DNAH8: variants seen among roughly 807,000 people sequenced by gnomAD.
DNAH8 encodes dynein axonemal heavy chain 8.
DNAH8 carries 382 observed loss-of-function variants against 562.1 expected under a neutral mutation model. That is an observed-to-expected ratio of 0.68 (90% confidence interval 0.63 to 0.74). The LOEUF is 0.74. Ranked by LOEUF, DNAH8 falls within the 30% of genes least tolerant of loss-of-function variation. The pLI is 0.00. For synonymous variants in DNAH8, 1,881 were observed against 1,919.4 expected (o/e 0.98, Z 0.52); for missense variants, 5,203 against 5,620.4 (o/e 0.93, Z 2.37).
At chr6:38,862,601 C>T (rs1003552930) in intron 44 of DNAH8, 143 bp downstream of exon 44, 12 of 976,652 alleles carry the variant, frequency 1.2e-5, no homozygotes, top group Non-Finnish European at 1.8e-5. Context: ...TGCCATTTTT[C>T]TAGGTCAAAA....
intron 85 of DNAH8, among the ~76,000 whole-genome samples, chr6:38,976,789 A>G (rs1052819352): frequency 2.0e-5 from 3 of 152,026 alleles, no homozygotes; most frequent in African/African-American, 7.3e-5. Flanking sequence ...TGATTAATTG[A>G]GTCCTCCAAA....
chr6:38,919,884 T>C (rs575290655), intron 70 of DNAH8, among the ~76,000 whole-genome samples: 39 of 152,250 alleles, frequency 2.6e-4, no homozygotes, highest in African/African-American at 9.1e-4. Context: ...TACTCACTCA[T>C]AAGCATACAT....
In DNAH8 at chr6:38,778,425, A is replaced by G; in HGVS notation, c.2000A>G (p.Lys667Arg). Residue 667 changes from lysine to arginine, a missense_variant, in exon 14 of 93, where the codon AAA (lysine) becomes AGA (arginine). Transcript: ENST00000327475. ...IQAFMNSSFGKILSSQQALQL... is the reference protein window; with the variant it reads ...IQAFMNSSFGRILSSQQALQL... ...GCATTTATGAACAGTAGTTTTGGGA[A>G]AATCTTATCTTCTCAGCAGGCTCTT... is the stretch of plus-strand genomic sequence containing the variant. 6.3e-7 allele frequency: 1 copy of G among 1,595,966 alleles called. No homozygotes were observed. Among genetic ancestry groups the G allele is most frequent in the Non-Finnish European group, 8.6e-7 (1 of 1,165,158 alleles).
At chr6:38,951,568 GC>G in intron 82 of DNAH8, 48 bp downstream of exon 82, 1 of 1,546,326 alleles carries the variant, frequency 6.5e-7, no homozygotes, top group Non-Finnish European at 8.8e-7. Flanking sequence ...ATATTTTTTT[GC>G]CCCAAATTTT....
intron 45 of DNAH8, among the ~76,000 whole-genome samples, chr6:38,866,011 A>G (rs2150417293): frequency 6.6e-6 from 1 of 152,164 alleles, no homozygotes; most frequent in South Asian, 2.1e-4. Context: ...GGAGGACTTC[A>G]TTTCCTGTCT....
At position 38,866,674 on chromosome 6, in the gene DNAH8, A is replaced by C; in HGVS notation, c.6582A>C (p.Arg2194Ser). The C allele has an allele frequency of 6.2e-7, 1 of 1,610,554 alleles. No individual in the cohort carries two copies. The highest frequency in any genetic ancestry group is 1.1e-5 in the South Asian group (1 of 90,158). The change falls in exon 46 of 93, where the codon AGA becomes AGC. Residue 2194 changes from arginine (R) to serine (S), a missense_variant. Physicochemically the swap from Arg to Ser is moderately radical, Grantham distance 110. This residue lies in a region of DNAH8 where 2,176 missense variants were observed against 2,365.1 expected (regional missense o/e 0.92). Transcript: ENST00000327475. ...FRTVAMMVPD[R>S]QIIMRVKLAS... Reference sequence around the variant, plus strand: ...CTGTTGCTATGATGGTTCCTGATAGACAGGTATGCACTAGGATTTAAAAGC... The same window carrying C: ...CTGTTGCTATGATGGTTCCTGATAGCCAGGTATGCACTAGGATTTAAAAGC...
chr6:39,003,021 C>T (rs2150754452), intron 88 of DNAH8, among the ~76,000 whole-genome samples: 2 of 152,304 alleles, frequency 1.3e-5, no homozygotes, highest in Middle Eastern at 6.8e-3. Flanking sequence ...CAGAGCATCT[C>T]CTCCATTCTT....
intron 28 of DNAH8, 121 bp from the exon 29 acceptor site, chr6:38,826,035 T>C: frequency 1.6e-6 from 1 of 632,320 alleles, no homozygotes. Context: ...TAACCACATT[T>C]CAAGTGTTCA....
intron 13 of DNAH8, 149 bp from the exon 14 acceptor site, chr6:38,778,239 A>C: frequency 2.0e-6 from 1 of 497,522 alleles, no homozygotes; most frequent in Non-Finnish European, 3.6e-6. Context: ...AGTCCATCAT[A>C]CTGGACGATG....
chr6:38,868,199 A>G lies in DNAH8; in HGVS notation c.6828+3A>G, dbSNP rs751751953. ...GAGATATGAACCTTTCCAAACTGGTATCTTCTCTGAATTCTCTTCTTTTCC... is the reference window on the plus strand; with the variant it reads ...GAGATATGAACCTTTCCAAACTGGTGTCTTCTCTGAATTCTCTTCTTTTCC... On this transcript the variant is annotated splice_donor_region_variant and intron_variant, in intron 48 of 92. Transcript: ENST00000327475. 1.2e-6 allele frequency: 2 copies of G among 1,600,328 alleles called. No homozygotes were observed. The highest frequency in any genetic ancestry group is 1.1e-5 in the South Asian group (1 of 87,678).
chr6:38,732,929 C>A (rs180719986), intron 4 of DNAH8, among the ~76,000 whole-genome samples: 73 of 152,096 alleles, frequency 4.8e-4, no homozygotes, highest in African/African-American at 1.6e-3. Flanking sequence ...CACTAGGTTG[C>A]CCAGGCTGGA....
chr6:38,717,491 T>G (rs1762429190), intron 1 of DNAH8, among the ~76,000 whole-genome samples: 1 of 151,948 alleles, frequency 6.6e-6, no homozygotes, highest in South Asian at 2.1e-4. Context: ...GCCCGGCTAA[T>G]TTTTTGCATT....
At chr6:38,969,688 G>C (rs1209772132) in intron 82 of DNAH8, among the ~76,000 whole-genome samples, 1 of 136,196 alleles carries the variant, frequency 7.3e-6, no homozygotes, top group Non-Finnish European at 1.6e-5. Context: ...GGGGGGTGGT[G>C]AGATAAGAAA....
chr6:38,902,253 C>G (rs1228242280), intron 62 of DNAH8, among the ~76,000 whole-genome samples: 4 of 152,154 alleles, frequency 2.6e-5, no homozygotes, highest in African/African-American at 9.7e-5. Flanking sequence ...CTTAGAGATT[C>G]AAACAGCTCC....
intron 33 of DNAH8, among the ~76,000 whole-genome samples, chr6:38,842,003 CAAATG>C (rs537192943): frequency 1.3e-5 from 2 of 152,292 alleles, no homozygotes; most frequent in South Asian, 2.1e-4. Flanking sequence ...AAAAAAAAGT[CAAATG>C]AAACCTTAGC....
chr6:38,837,162 G>A (rs987078944), intron 32 of DNAH8, among the ~76,000 whole-genome samples: 31 of 152,192 alleles, frequency 2.0e-4, no homozygotes, highest in African/African-American at 6.5e-4. Flanking sequence ...AGTTCACCTG[G>A]TATCTTCATG....
chr6:38,855,346 T>C (rs1403227220), intron 41 of DNAH8, among the ~76,000 whole-genome samples: 2 of 152,154 alleles, frequency 1.3e-5, no homozygotes, highest in African/African-American at 2.4e-5. Flanking sequence ...CTGCACGTTC[T>C]GCACGTGTAT....
chr6:38,872,937 T>C lies in DNAH8; in HGVS notation c.7269T>C (p.Pro2423=). Residue 2423 remains proline (P), a synonymous_variant, in exon 51 of 93, where the codon CCT becomes CCC. Coordinates refer to ENST00000327475, the MANE Select transcript of DNAH8 (RefSeq NM_001206927.2). The part of the protein sequence containing the change: ...GENIFLILDG[P]VDAIWIENLN... ...ACATTTTCCTCATTTTAGATGGTCCTGTGGATGCCATCTGGATTGAGAACT... is the reference window on the plus strand; with the variant it reads ...ACATTTTCCTCATTTTAGATGGTCCCGTGGATGCCATCTGGATTGAGAACT... 2 of 1,614,090 alleles carry C rather than the reference T, an allele frequency of 1.2e-6. No homozygotes were observed. Among genetic ancestry groups the C allele is most frequent in the Non-Finnish European group, 1.7e-6 (2 of 1,179,940 alleles).
intron 10 of DNAH8, among the ~76,000 whole-genome samples, chr6:38,758,136 G>A (rs1251106089): frequency 1.3e-5 from 2 of 152,080 alleles, no homozygotes; most frequent in Non-Finnish European, 2.9e-5. Context: ...CCATTTTCAC[G>A]ATATTGATTC....
Sources: allele counts gnomAD v4.1 joint callset (sites outside exome capture counted in the v4.1 genomes callset), GRCh38; gene constraint gnomAD v4.1.1; regional missense constraint gnomAD v4.1.1; transcripts MANE v1.5; gene names NCBI Gene and HGNC (gene_info 2026-07-23, HGNC 2026-07-21).